Variants in LHX1 observed in about 807,000 individuals in gnomAD.
The protein encoded by LHX1 is LIM/homeobox protein Lhx1.
Under a neutral mutation model 34.1 loss-of-function variants are expected in LHX1, and 9 were observed. That is an observed-to-expected ratio of 0.26 (90% CI 0.16 to 0.46). The LOEUF (loss-of-function observed/expected upper bound fraction) is 0.46, where lower values mean the gene tolerates loss of function less well. Ranked by LOEUF, LHX1 falls within the 20% of genes least tolerant of loss-of-function variation. The probability of loss-of-function intolerance (pLI) is 1.00; values close to 1 mark genes in which losing one functional copy is unlikely to be tolerated. For synonymous variants in LHX1, 254 were observed against 241.5 expected (o/e 1.05, Z -0.48); for missense variants, 446 against 559.1 (o/e 0.80, Z 2.04).
chr17:36,937,675 G>T lies in LHX1; in HGVS notation c.-523G>T. On this transcript the variant is annotated 5_prime_UTR_variant, in exon 1 of 5. Coordinates refer to ENST00000614239, the MANE Select transcript of LHX1 (RefSeq NM_005568.5). ...AGGGGGGAAATCCCAGTGGTGGGCAGCCTGGCACGCACACAGTCGCCCTCA... is the reference window on the plus strand; with the variant it reads ...AGGGGGGAAATCCCAGTGGTGGGCATCCTGGCACGCACACAGTCGCCCTCA... The T allele has an allele frequency of 7.8e-6, 3 of 385,256 alleles. No homozygotes were observed. Among genetic ancestry groups the T allele is most frequent in the Non-Finnish European group, 1.6e-5 (3 of 192,488 alleles). 23.9% of individuals were successfully genotyped at this position (385,256 alleles called of 1,614,324 possible). A position where few individuals can be genotyped will look rare whatever the true frequency, so the allele number is the denominator to read the frequency against.
At chr17:36,939,707 A>G (rs557378945) in intron 1 of LHX1, among the ~76,000 whole-genome samples, 99 of 152,210 alleles carry the variant, frequency 6.5e-4, no homozygotes, top group Non-Finnish European at 1.1e-3. Flanking sequence ...CGCTTTAGGC[A>G]AGAGCGTGGC....
At chr17:36,939,970 T>C (rs2070753737) in intron 1 of LHX1, 2 of 530,786 alleles carry the variant, frequency 3.8e-6, no homozygotes, top group East Asian at 3.3e-5. Context: ...AGACGATGCA[T>C]CTTTCCTCTG....
At chr17:36,938,654 C>A (rs552441872) in intron 1 of LHX1, 12 of 548,794 alleles carry the variant, frequency 2.2e-5, no homozygotes, top group African/African-American at 1.9e-4. Context: ...TTGGAAGAGA[C>A]AGGGCAGCCT....
At chr17:36,936,861 G>A (rs1164151318), upstream of LHX1, 2 of 213,416 alleles carry the variant, frequency 9.4e-6, no homozygotes. Context: ...AGGAGACCAG[G>A]GACTGAGGGA....
Position 36,940,455 on chromosome 17 carries a change from C to G in LHX1, c.336C>G (p.Phe112Leu). ...EELYIIDENK[F>L]VCKEDYLSNS... ...TCTACATCATCGACGAGAATAAGTT[C>G]GTCTGCAAAGAGGATTACCTAAGTA... The change falls in exon 2 of 5, where the codon TTC becomes TTG. Residue 112 changes from phenylalanine (F) to leucine (L), a missense_variant. Transcript: ENST00000614239. 1 of 1,614,126 alleles carries G rather than the reference C, an allele frequency of 6.2e-7. No homozygotes were observed. The highest frequency in any genetic ancestry group is 8.5e-7 in the Non-Finnish European group (1 of 1,180,046).
chr17:36,938,906 G>C, intron 1 of LHX1: 2 of 240,292 alleles, frequency 8.3e-6, no homozygotes, highest in Non-Finnish European at 1.7e-5. Flanking sequence ...GCACGCCCGG[G>C]GGTCTTCCCC....
At chr17:36,942,462 C>A in intron 4 of LHX1, 97 bp downstream of exon 4, 1 of 1,322,632 alleles carries the variant, frequency 7.6e-7, no homozygotes, top group Non-Finnish European at 1.0e-6. Context: ...TCTCTGTAAG[C>A]CACTGGAGAG....
rs761566511 is a variant in LHX1, at chr17:36,938,173, G to T, written c.-25G>T. ...CTACTTTGCCCCTCTCTCTCTCTGG[G>T]CCTCATCAGACCAAACCAAAGACCA... is the stretch of plus-strand genomic sequence containing the variant. On this transcript the variant is annotated 5_prime_UTR_variant, in exon 1 of 5. Coordinates refer to ENST00000614239, the MANE Select transcript of LHX1 (RefSeq NM_005568.5). The T allele has an allele frequency of 6.2e-7, 1 of 1,612,564 alleles. No individual in the cohort carries two copies. The highest frequency in any genetic ancestry group is 8.5e-7 in the Non-Finnish European group (1 of 1,179,852).
At chr17:36,939,765 G>T (rs1447318134) in intron 1 of LHX1, among the ~76,000 whole-genome samples, 1 of 152,252 alleles carries the variant, frequency 6.6e-6, no homozygotes, top group Non-Finnish European at 1.5e-5. Context: ...GGCTATGTTT[G>T]TTTACCAACA....
upstream of LHX1, chr17:36,937,187 G>T (rs1423977808): frequency 2.2e-6 from 1 of 453,046 alleles, no homozygotes; most frequent in African/African-American, 2.0e-5. Flanking sequence ...AGCGATGCGG[G>T]GCTGTGCGCC....
In LHX1 at chr17:36,943,963, AAC is replaced by A. The variant is rs1312191522; in HGVS notation, c.*834_*835del. ...AAAAAAAAAAGACTATTGAACTAAA[AAC>A]AGTCAACTGTTTACGTATAATGTTA... On this transcript the variant is annotated 3_prime_UTR_variant, in exon 5 of 5. Coordinates refer to ENST00000614239, the MANE Select transcript of LHX1 (RefSeq NM_005568.5). The A allele has an allele frequency of 6.6e-6, 1 of 152,114 alleles. No individual in the cohort carries two copies. The highest frequency in any genetic ancestry group is 2.4e-5 in the African/African-American group (1 of 41,416). 9.4% of individuals were successfully genotyped at this position (152,114 alleles called of 1,614,324 possible). A position where few individuals can be genotyped will look rare whatever the true frequency, so the allele number is the denominator to read the frequency against.
At position 36,942,013 on chromosome 17, in the gene LHX1, T is replaced by A. The variant is rs8078990; in HGVS notation, c.676-187T>A. On this transcript the variant is annotated intron_variant, in intron 3 of 4. Transcript: ENST00000614239. ...CTCCTGTGGGATTCCTGCTCACCAT[T>A]GGCTCAGGGTCCGCCCTGAGTGGTC... Among the ~76,000 whole-genome samples, 3,782 of 152,240 alleles carry A rather than the reference T, an allele frequency of 0.025. 171 individuals are homozygous for A. Among genetic ancestry groups the A allele is most frequent in the African/African-American group, 0.086 (3,579 of 41,540 alleles).
chr17:36,938,439 G>C, intron 1 of LHX1, 72 bp downstream of exon 1: 1 of 1,495,294 alleles, frequency 6.7e-7, no homozygotes, highest in African/African-American at 1.4e-5. Context: ...CGGATCAGAG[G>C]TTAGCGTGGC....
At position 36,937,480 on chromosome 17, in the gene LHX1, A is replaced by T. The variant is rs2070733803; in HGVS notation, c.-718A>T. ...AGCAACAACAGCAATCAACACCAAGATCTTCCTCCTACCCTCCCCTCTTTC... is the reference window on the plus strand; with the variant it reads ...AGCAACAACAGCAATCAACACCAAGTTCTTCCTCCTACCCTCCCCTCTTTC... On this transcript the variant is annotated 5_prime_UTR_variant, in exon 1 of 5. Transcript: ENST00000614239. The T allele has an allele frequency of 3.1e-6, 1 of 323,478 alleles. No individual in the cohort carries two copies. Among genetic ancestry groups the T allele is most frequent in the African/African-American group, 2.2e-5 (1 of 44,582 alleles). 20.0% of individuals were successfully genotyped at this position (323,478 alleles called of 1,614,324 possible).
rs946637834 is a variant in LHX1 at position 36,943,786 on chromosome 17, C to G, written c.*655C>G. The stretch of plus-strand genomic sequence containing the variant: ...CTAAATGTAAAGCCCTCCGTATCAA[C>G]TCTTCTACCTTCGCAAAACTACACA... On this transcript the variant is annotated 3_prime_UTR_variant, in exon 5 of 5. Coordinates refer to ENST00000614239, the MANE Select transcript of LHX1 (RefSeq NM_005568.5). 3 of 152,130 alleles carry G rather than the reference C, an allele frequency of 2.0e-5. No individual in the cohort carries two copies. Among genetic ancestry groups the G allele is most frequent in the African/African-American group, 7.2e-5 (3 of 41,410 alleles). The allele number at this position is 152,130 out of a possible 1,614,324, so 9.4% of individuals were successfully genotyped here. A position where few individuals can be genotyped will look rare whatever the true frequency, so the allele number is the denominator to read the frequency against.
rs1567958540 is a variant in LHX1, at chr17:36,943,383, A to T, written c.*252A>T. The T allele has an allele frequency of 8.5e-6, 4 of 467,910 alleles. No homozygotes were observed. Among genetic ancestry groups the T allele is most frequent in the South Asian group, 7.9e-5 (2 of 25,242 alleles). 29.0% of individuals were successfully genotyped at this position (467,910 alleles called of 1,614,324 possible). On this transcript the variant is annotated 3_prime_UTR_variant, in exon 5 of 5. Coordinates refer to ENST00000614239, the MANE Select transcript of LHX1 (RefSeq NM_005568.5). ...CTGGGGCTCCCCAAAGGAAACGCAG[A>T]CCTCTCCCCAACTCCCACCTGGACC...
chr17:36,939,618 T>C (rs2070751008), intron 1 of LHX1, among the ~76,000 whole-genome samples: 1 of 152,196 alleles, frequency 6.6e-6, no homozygotes, highest in South Asian at 2.1e-4. Flanking sequence ...TGCCAGTGGG[T>C]CCCTGAGCCT....
rs1597687039 is a variant in LHX1, at chr17:36,937,504, T to A, written c.-694T>A. Reference sequence around the variant, plus strand: ...GATCTTCCTCCTACCCTCCCCTCTTTCCCTTCTCCCGCGGTCGGCCCTCGC... The same window carrying A: ...GATCTTCCTCCTACCCTCCCCTCTTACCCTTCTCCCGCGGTCGGCCCTCGC... On this transcript the variant is annotated 5_prime_UTR_variant, in exon 1 of 5. Transcript: ENST00000614239. The A allele has an allele frequency of 3.2e-6, 1 of 316,284 alleles. No individual in the cohort carries two copies. Among genetic ancestry groups the A allele is most frequent in the East Asian group, 1.0e-4 (1 of 9,550 alleles). The allele number at this position is 316,284 out of a possible 1,614,324, so 19.6% of individuals were successfully genotyped here.
At position 36,943,322 on chromosome 17, in the gene LHX1, G is replaced by T. The variant is rs111387196; in HGVS notation, c.*191G>T. On this transcript the variant is annotated 3_prime_UTR_variant, in exon 5 of 5. Transcript: ENST00000614239. ...AGGATCCAAATCGGCCTCGAGGTGG[G>T]ACTGGGATCCGCGCACTGGCTGTCG... 4.2e-3 allele frequency: 2,794 copies of T among 660,212 alleles called. 9 individuals carry two copies. The highest frequency in any genetic ancestry group is 5.6e-3 in the Non-Finnish European group (2,279 of 409,938). 40.9% of individuals were successfully genotyped at this position (660,212 alleles called of 1,614,324 possible). A position where few individuals can be genotyped will look rare whatever the true frequency, so the allele number is the denominator to read the frequency against.
Sources: allele counts gnomAD v4.1 joint callset (sites outside exome capture counted in the v4.1 genomes callset), GRCh38; gene constraint gnomAD v4.1.1; transcripts MANE v1.5; gene names NCBI Gene and HGNC (gene_info 2026-07-23, HGNC 2026-07-21).